ADGRA1: variants seen among roughly 807,000 people sequenced by gnomAD.
ADGRA1 encodes G-protein coupled receptor 123.
ADGRA1 carries 12 observed loss-of-function variants against 21.3 expected under a neutral mutation model. That is an observed-to-expected ratio of 0.56 (90% CI 0.36 to 0.91). The LOEUF is 0.91. Among genes scored for constraint, ADGRA1 ranks in the 40% least tolerant of loss-of-function variants. The pLI, the probability that ADGRA1 is intolerant of heterozygous loss-of-function variation, is 0.01. For synonymous variants in ADGRA1, 385 were observed against 368.8 expected, an observed-to-expected ratio of 1.04 and a Z score of -0.50; for missense variants, 790 against 805.6, an observed-to-expected ratio of 0.98 and a Z score of 0.23.
chr10:133,089,361 C>T (rs772306420), intron 2 of ADGRA1, among the ~76,000 whole-genome samples: 7 of 152,196 alleles, frequency 4.6e-5, no homozygotes, highest in Non-Finnish European at 1.0e-4. Context: ...CGTAGGTGGG[C>T]TTCAGCAGTG....
chr10:133,103,579 G>T (rs1270688703), intron 5 of ADGRA1, among the ~76,000 whole-genome samples: 7 of 152,226 alleles, frequency 4.6e-5, no homozygotes, highest in Non-Finnish European at 8.8e-5. Context: ...CTGCCTAGGG[G>T]GGCGGACACA....
chr10:133,102,235 C>A (rs781585860), intron 4 of ADGRA1: 45 of 463,898 alleles, frequency 9.7e-5, no homozygotes, highest in African/African-American at 8.9e-4. Context: ...CAGGGCCACA[C>A]GAATGCCGTC....
At chr10:133,108,715 C>T (rs998941773) in intron 5 of ADGRA1, among the ~76,000 whole-genome samples, 2 of 152,152 alleles carry the variant, frequency 1.3e-5, no homozygotes, top group African/African-American at 2.4e-5. Context: ...GACCACTACA[C>T]ACATTTGCCG....
intron 5 of ADGRA1, among the ~76,000 whole-genome samples, chr10:133,120,269 G>T (rs1852230148): frequency 6.6e-6 from 1 of 152,214 alleles, no homozygotes; most frequent in Admixed American, 6.5e-5. Context: ...GCTGGGCGTG[G>T]TGGCAGGTGC....
chr10:133,117,467 G>C (rs1009624), intron 5 of ADGRA1, among the ~76,000 whole-genome samples: 29,476 of 152,162 alleles, frequency 0.19, 3,720 homozygotes, highest in East Asian at 0.57. Flanking sequence ...TGGGAGGTCC[G>C]GTGCACTGTG....
At chr10:133,121,107 G>A (rs1167678725) in intron 5 of ADGRA1, among the ~76,000 whole-genome samples, 1 of 152,192 alleles carries the variant, frequency 6.6e-6, no homozygotes, top group African/African-American at 2.4e-5. Flanking sequence ...GTGGTTTGTG[G>A]TGCCCAAGAC....
At chr10:133,102,401 C>T in intron 4 of ADGRA1, 1 of 547,808 alleles carries the variant, frequency 1.8e-6, no homozygotes, top group South Asian at 1.5e-5. Context: ...ACAGGGACCA[C>T]AGCGGGTTGT....
chr10:133,099,751 C>G (rs1851758075), intron 4 of ADGRA1, among the ~76,000 whole-genome samples: 1 of 152,230 alleles, frequency 6.6e-6, no homozygotes, highest in Non-Finnish European at 1.5e-5. Context: ...AGTGGCCACC[C>G]CACTTCAGCA....
intron 5 of ADGRA1, among the ~76,000 whole-genome samples, chr10:133,105,737 G>T (rs552315903): frequency 6.6e-6 from 1 of 152,332 alleles, no homozygotes; most frequent in South Asian, 2.1e-4. Flanking sequence ...ACTCTGCAGG[G>T]ATTGGACTCC....
rs775429420 is a variant in ADGRA1, at chr10:133,128,831, G to T, written c.1003G>T (p.Gly335Trp). 1 of 1,599,292 alleles carries T rather than the reference G, an allele frequency of 6.3e-7. No homozygotes were observed. ...KDAHPALDAN[G>W]AALGRAACLH... ...CGCCCACCCCGCACTTGACGCCAAC[G>T]GGGCCGCGCTGGGCCGCGCCGCCTG... Residue 335 changes from glycine (G) to tryptophan (W), a missense_variant, in exon 7 of 7, where the codon GGG (glycine) becomes TGG (tryptophan). This residue lies in a region of ADGRA1 where 391 missense variants were observed against 351.5 expected (regional missense o/e 1.11). Transcript: ENST00000392607.
At chr10:133,095,912 A>G (rs1481790157) in intron 2 of ADGRA1, 7 of 1,195,432 alleles carry the variant, frequency 5.9e-6, no homozygotes, top group Middle Eastern at 2.7e-4. Flanking sequence ...GGCAGCATCC[A>G]TGGCGTGGTC....
Position 133,129,141 on chromosome 10 carries a change from A to T in ADGRA1, c.1313A>T (p.Tyr438Phe). The change falls in exon 7 of 7, where the codon TAC (tyrosine) becomes TTC (phenylalanine). Residue 438 changes from tyrosine to phenylalanine, a missense_variant. Transcript: ENST00000392607. ...CCAGCAGAGGAGCCCGAGTACGCCT[A>T]CCACATCCCATCCAGCCTGGATGGC... ...RHPAEEPEYA[Y>F]HIPSSLDGSP... 1 of 1,554,868 alleles carries T rather than the reference A, an allele frequency of 6.4e-7. No homozygotes were observed. Among genetic ancestry groups the T allele is most frequent in the Non-Finnish European group, 8.7e-7 (1 of 1,149,282 alleles).
At chr10:133,090,897 A>C (rs763884847) in intron 2 of ADGRA1, among the ~76,000 whole-genome samples, 1 of 152,208 alleles carries the variant, frequency 6.6e-6, no homozygotes, top group African/African-American at 2.4e-5. Context: ...CCGTCCTCTC[A>C]AAAGGCTGGT....
At chr10:133,121,140 A>T (rs1011723255) in intron 5 of ADGRA1, among the ~76,000 whole-genome samples, 1 of 152,244 alleles carries the variant, frequency 6.6e-6, no homozygotes, top group Non-Finnish European at 1.5e-5. Flanking sequence ...AACCCCAAAG[A>T]TCACTGATCA....
intron 4 of ADGRA1, among the ~76,000 whole-genome samples, chr10:133,100,886 G>A (rs1442847342): frequency 1.3e-5 from 2 of 152,210 alleles, no homozygotes; most frequent in Admixed American, 6.5e-5. Flanking sequence ...GGTGCCTGCC[G>A]GACGCGTGAC....
At chr10:133,089,077 G>A (rs768076795) in intron 2 of ADGRA1, 165 bp downstream of exon 2, 65 of 1,192,938 alleles carry the variant, frequency 5.4e-5, no homozygotes, top group Admixed American at 4.7e-4. Flanking sequence ...AGTGGGGGCC[G>A]GGGACAGGCC....
rs1472491676 is a variant in ADGRA1, at chr10:133,130,856, A to G, written c.*1345A>G. On this transcript the variant is annotated 3_prime_UTR_variant, in exon 7 of 7. Coordinates refer to ENST00000392607, the MANE Select transcript of ADGRA1 (RefSeq NM_001083909.3). ...ACGTGCATATCACACACACGCACAC[A>G]CACAAACACGTGCATATCACACACA... 6.9e-6 allele frequency: 1 copy of G among 145,328 alleles called. No individual in the cohort carries two copies. The highest frequency in any genetic ancestry group is 2.4e-4 in the East Asian group (1 of 4,118). The allele number at this position is 145,328 out of a possible 1,614,324, so 9.0% of individuals were successfully genotyped here.
At position 133,118,855 on chromosome 10, in the gene ADGRA1, GCACACA is replaced by G. The variant is rs545430073; in HGVS notation, c.402-8373_402-8368del. Among the ~76,000 whole-genome samples the G allele has an allele frequency of 9.7e-3, 1,477 of 152,116 alleles. 28 individuals are homozygous for G. Among genetic ancestry groups the G allele is most frequent in the African/African-American group, 0.033 (1,383 of 41,472 alleles). ...TGAACCTGTACCACCTCTTCAGTGTGCACACACACATCACACACACATGCACTCATA... is the reference window on the plus strand; with the variant it reads ...TGAACCTGTACCACCTCTTCAGTGTGCACATCACACACACATGCACTCATA... On this transcript the variant is annotated intron_variant, in intron 5 of 6. Transcript: ENST00000392607.
In ADGRA1 at chr10:133,129,217, G is replaced by C; in HGVS notation, c.1389G>C (p.Pro463=). The part of the protein sequence containing the change: ...TDSPPSSLDG[P]AGTHTLACCT... ...GCCCCCCCAGCTCTCTGGATGGCCCGGCGGGGACACACACGCTGGCCTGCT... is the reference window on the plus strand; with the variant it reads ...GCCCCCCCAGCTCTCTGGATGGCCCCGCGGGGACACACACGCTGGCCTGCT... The change falls in exon 7 of 7, where the codon CCG becomes CCC. Residue 463 remains proline (P), a synonymous_variant. Coordinates refer to ENST00000392607, the MANE Select transcript of ADGRA1 (RefSeq NM_001083909.3). 6.5e-7 allele frequency: 1 copy of C among 1,549,894 alleles called. No individual in the cohort carries two copies. The highest frequency in any genetic ancestry group is 8.7e-7 in the Non-Finnish European group (1 of 1,146,884).
Sources: allele counts gnomAD v4.1 joint callset (sites outside exome capture counted in the v4.1 genomes callset), GRCh38; gene constraint gnomAD v4.1.1; regional missense constraint gnomAD v4.1.1; transcripts MANE v1.5; gene names NCBI Gene and HGNC (gene_info 2026-07-23, HGNC 2026-07-21).